Variants in FRMPD4 observed in about 807,000 individuals in gnomAD.
The protein encoded by FRMPD4 is FERM and PDZ domain containing 4.
A neutral mutation model predicts 94.1 loss-of-function variants in FRMPD4; 22 were observed. That is an observed-to-expected ratio of 0.23 (90% CI 0.17 to 0.33). The LOEUF (loss-of-function observed/expected upper bound fraction) is 0.33. FRMPD4 is among the 10% of genes least tolerant of loss of function. The probability of loss-of-function intolerance (pLI) is 1.00; values close to 1 mark genes in which losing one functional copy is unlikely to be tolerated. For synonymous variants in FRMPD4, 631 were observed against 548.6 expected (o/e 1.15, Z -2.10); for missense variants, 1,111 against 1,339.9 (o/e 0.83, Z 2.67).
intron 1 of FRMPD4, among the ~76,000 whole-genome samples, chrX:11,852,016 A>G (rs778627127): frequency 2.9e-4 from 32 of 109,869 alleles, no homozygotes; most frequent in Admixed American, 1.6e-3. Flanking sequence ...CTAATTCTTT[A>G]TCATAAAGTT....
chrX:11,873,100 G>T (rs906066383), intron 2 of FRMPD4, among the ~76,000 whole-genome samples: 1 of 111,717 alleles, frequency 9.0e-6, no homozygotes, highest in Non-Finnish European at 1.9e-5. Flanking sequence ...CACTGTTGAA[G>T]ACTACACTTT....
chrX:12,066,747 A>G (rs1184839790), intron 3 of FRMPD4, among the ~76,000 whole-genome samples: 3 of 109,657 alleles, frequency 2.7e-5, no homozygotes, highest in Non-Finnish European at 5.7e-5. Flanking sequence ...TTATAGGAAC[A>G]CTATATTTTA....
rs939727911 is a variant in FRMPD4, at chrX:12,269,683, A to C, written c.41+130671A>C. 4.5e-5 allele frequency among the ~76,000 whole-genome samples: 5 copies of C among 111,996 alleles called. No homozygotes were observed. The East Asian group carries it at 1.4e-3, about 31-fold the overall frequency. ...AGTGGGAGGAGCACTACTGGCATCT[A>C]GTGGGTGGAGATGAGGGATGCTGAT... On this transcript the variant is annotated intron_variant, in intron 1 of 16. Coordinates refer to ENST00000675598, the MANE Select transcript of FRMPD4 (RefSeq NM_001368397.1).
intron 1 of FRMPD4, among the ~76,000 whole-genome samples, chrX:12,410,323 A>G (rs762115356): frequency 1.8e-5 from 2 of 111,755 alleles, no homozygotes; most frequent in Non-Finnish European, 3.8e-5. Context: ...TTCAATTTGC[A>G]TAAATCTTTT....
At chrX:12,024,300 T>G in intron 3 of FRMPD4, among the ~76,000 whole-genome samples, 1 of 112,205 alleles carries the variant, frequency 8.9e-6, no homozygotes, top group Admixed American at 9.5e-5. Context: ...TACATACTCA[T>G]GCATGTACAC....
intron 9 of FRMPD4, among the ~76,000 whole-genome samples, chrX:12,696,490 C>T (rs2060130734): frequency 9.4e-6 from 1 of 106,040 alleles, no homozygotes; most frequent in Non-Finnish European, 1.9e-5. Flanking sequence ...ACAGCTTAGA[C>T]ATCTAGCAGT....
intron 2 of FRMPD4, among the ~76,000 whole-genome samples, chrX:12,561,519 A>T (rs1404835872): frequency 3.0e-5 from 3 of 101,236 alleles, no homozygotes; most frequent in Admixed American, 1.1e-4. Context: ...TTATTCTATG[A>T]AAAGCACTAT....
chrX:12,258,976 C>A (rs1387451348), intron 1 of FRMPD4, among the ~76,000 whole-genome samples: 1 of 111,981 alleles, frequency 8.9e-6, no homozygotes, highest in Non-Finnish European at 1.9e-5. Context: ...TCTTTCCTAT[C>A]CTCTGGTAAT....
chrX:11,882,176 G>C (rs2147314199), intron 3 of FRMPD4, among the ~76,000 whole-genome samples: 1 of 111,414 alleles, frequency 9.0e-6, no homozygotes, highest in East Asian at 2.8e-4. Flanking sequence ...GGAATTCCCA[G>C]GGAAAGACTT....
intron 1 of FRMPD4, among the ~76,000 whole-genome samples, chrX:12,280,882 A>G (rs1157160602): frequency 9.0e-6 from 1 of 111,469 alleles, no homozygotes; most frequent in African/African-American, 3.3e-5. Flanking sequence ...GGCCCACTGT[A>G]TCTCTGTTGG....
At chrX:12,475,248 G>C (rs920685931) in intron 1 of FRMPD4, among the ~76,000 whole-genome samples, 1 of 111,969 alleles carries the variant, frequency 8.9e-6, no homozygotes, top group African/African-American at 3.2e-5. Context: ...AAAGGCCTTC[G>C]ACAAAATTCG....
intron 5 of FRMPD4, among the ~76,000 whole-genome samples, chrX:12,681,216 G>A (rs766498933): frequency 1.3e-4 from 15 of 111,759 alleles, no homozygotes; most frequent in Admixed American, 5.7e-4. Context: ...TATTACAGCC[G>A]CTTCACTTGT....
At chrX:12,063,988 C>T (rs982962543) in intron 3 of FRMPD4, among the ~76,000 whole-genome samples, 3 of 111,940 alleles carry the variant, frequency 2.7e-5, no homozygotes, top group Non-Finnish European at 5.6e-5. Context: ...AATGTTGCAC[C>T]TCATTCTACT....
At chrX:11,858,318 A>G (rs757189476) in intron 1 of FRMPD4, among the ~76,000 whole-genome samples, 1 of 112,097 alleles carries the variant, frequency 8.9e-6, no homozygotes, top group South Asian at 3.7e-4. Context: ...CCCATTAATG[A>G]TAGACTGGAT....
chrX:12,498,006 A>T (rs757589047), intron 1 of FRMPD4, among the ~76,000 whole-genome samples: 33 of 111,047 alleles, frequency 3.0e-4, no homozygotes, highest in Admixed American at 4.7e-4. Context: ...CCTGCTCTGC[A>T]GTCATCTGAC....
chrX:12,475,298 T>G (rs1009136991), intron 1 of FRMPD4, among the ~76,000 whole-genome samples: 1 of 112,071 alleles, frequency 8.9e-6, no homozygotes, highest in African/African-American at 3.2e-5. Flanking sequence ...AATTAGCTAT[T>G]GATGGGACGT....
At chrX:12,171,325 A>G (rs1471824112) in intron 1 of FRMPD4, among the ~76,000 whole-genome samples, 3 of 111,897 alleles carry the variant, frequency 2.7e-5, no homozygotes, top group African/African-American at 9.7e-5. Context: ...TTGGCATGCA[A>G]GTTCTATTTA....
At chrX:12,428,114 T>C (rs2056972153) in intron 1 of FRMPD4, among the ~76,000 whole-genome samples, 1 of 109,251 alleles carries the variant, frequency 9.2e-6, no homozygotes, top group African/African-American at 3.3e-5. Flanking sequence ...GGTTTCACCG[T>C]GTTAGCCAGG....
intron 1 of FRMPD4, among the ~76,000 whole-genome samples, chrX:12,342,209 G>T (rs2055626097): frequency 8.9e-6 from 1 of 111,744 alleles, no homozygotes; most frequent in Admixed American, 9.5e-5. Flanking sequence ...TTGTCTCTAG[G>T]GTTCCATAAT....
Sources: allele counts gnomAD v4.1 joint callset (sites outside exome capture counted in the v4.1 genomes callset), GRCh38; gene constraint gnomAD v4.1.1; transcripts MANE v1.5; gene names NCBI Gene and HGNC (gene_info 2026-07-23, HGNC 2026-07-21).